Variants in FAM162B observed in about 807,000 individuals in gnomAD.
FAM162B encodes the protein protein FAM162B.
FAM162B carries 16 observed loss-of-function variants against 20.0 expected under a neutral mutation model. That is an observed-to-expected ratio of 0.80 (90% CI 0.54 to 1.21). The LOEUF (loss-of-function observed/expected upper bound fraction) is 1.21. FAM162B is among the 50% of genes most tolerant of loss of function. The probability of loss-of-function intolerance (pLI) is 0.00; values close to 1 mark genes in which losing one functional copy is unlikely to be tolerated. For synonymous variants in FAM162B, 83 were observed against 89.7 expected (o/e 0.93, Z 0.42); for missense variants, 260 against 227.5 (o/e 1.14, Z -0.92).
chr6:116,759,303 T>C (rs987446637), intron 3 of FAM162B, among the ~76,000 whole-genome samples: 24 of 150,354 alleles, frequency 1.6e-4, no homozygotes, highest in Admixed American at 2.0e-4. Flanking sequence ...TTCTTTCTTT[T>C]TTTTTTTTTT....
chr6:116,762,012 T>C lies in FAM162B; in HGVS notation c.355A>G (p.Ile119Val), dbSNP rs748216736. ...ACYIMIGLTI[I>V]ACFAVIVSAK... ...GACACTATCACAGCAAAGCAGGCGA[T>C]AATTGTGAGTCCAATCATTATGTAA... is the stretch of plus-strand genomic sequence containing the variant. Residue 119 changes from isoleucine (I) to valine (V), a missense_variant, in exon 3 of 4, where the codon ATC (isoleucine) becomes GTC (valine). Coordinates refer to ENST00000368557, the MANE Select transcript of FAM162B (RefSeq NM_001085480.3). 2 of 1,603,096 alleles carry C rather than the reference T, an allele frequency of 1.2e-6. No homozygotes were observed. Among genetic ancestry groups the C allele is most frequent in the African/African-American group, 1.3e-5 (1 of 74,834 alleles).
intron 3 of FAM162B, among the ~76,000 whole-genome samples, chr6:116,755,908 G>GA (rs982208468): frequency 6.6e-5 from 10 of 150,748 alleles, no homozygotes; most frequent in South Asian, 2.1e-4. Context: ...TTACTTCTCA[G>GA]AAAAAAAAAG....
intron 3 of FAM162B, among the ~76,000 whole-genome samples, chr6:116,759,884 C>T (rs1437393267): frequency 6.6e-6 from 1 of 152,072 alleles, no homozygotes; most frequent in Non-Finnish European, 1.5e-5. Context: ...CTTTCCTTCC[C>T]CCGGTCTTCT....
At chr6:116,762,641 A>AT (rs1771817112) in intron 2 of FAM162B, among the ~76,000 whole-genome samples, 1 of 152,086 alleles carries the variant, frequency 6.6e-6, no homozygotes, top group Non-Finnish European at 1.5e-5. Context: ...TTTTGCAATA[A>AT]TTTTTTGTTA....
Position 116,755,610 on chromosome 6 carries a change from C to T in FAM162B, c.391-2915G>A, listed in dbSNP as rs184896028. Among the ~76,000 whole-genome samples the T allele has an allele frequency of 2.6e-3, 396 of 152,266 alleles. 1 individual carries two copies. The highest frequency in any genetic ancestry group is 3.3e-3 in the Non-Finnish European group (224 of 68,014). On this transcript the variant is annotated intron_variant, in intron 3 of 3. Coordinates refer to ENST00000368557, the MANE Select transcript of FAM162B (RefSeq NM_001085480.3). ...CTAAAATACAGTTTTTCAATGAAGACAAAATAGCCTCATTTTGGAAGAAAA... is the reference window on the plus strand; with the variant it reads ...CTAAAATACAGTTTTTCAATGAAGATAAAATAGCCTCATTTTGGAAGAAAA...
At chr6:116,765,113 C>T in intron 2 of FAM162B, 34 bp downstream of exon 2, 2 of 1,603,684 alleles carry the variant, frequency 1.2e-6, no homozygotes, top group Non-Finnish European at 1.7e-6. Context: ...GGCCGGGGAC[C>T]GACTCTCCTT....
chr6:116,761,479 C>G (rs957994910), intron 3 of FAM162B, among the ~76,000 whole-genome samples: 3 of 151,810 alleles, frequency 2.0e-5, no homozygotes, highest in Non-Finnish European at 4.4e-5. Flanking sequence ...AGTTCTCCGT[C>G]TTCTGCAGAT....
rs758186486 is a variant in FAM162B at position 116,765,136 on chromosome 6, G to A, written c.281+11C>T. 2.5e-6 allele frequency: 4 copies of A among 1,611,464 alleles called. No homozygotes were observed. In the East Asian group the frequency reaches 6.7e-5, roughly 27 times the overall value. On this transcript the variant is annotated intron_variant, in intron 2 of 3. Coordinates refer to ENST00000368557, the MANE Select transcript of FAM162B (RefSeq NM_001085480.3). ...ACCGACTCTCCTTCGCGCGGCGGTC[G>A]CCACACTTACGGGATCCGAGGCGGG...
intron 3 of FAM162B, among the ~76,000 whole-genome samples, chr6:116,756,505 G>A (rs1003829502): frequency 1.3e-5 from 2 of 152,182 alleles, no homozygotes; most frequent in African/African-American, 4.8e-5. Context: ...TTAGAACAAA[G>A]TATTTAGAAT....
intron 2 of FAM162B, 27 bp from the exon 3 acceptor site, chr6:116,762,112 A>C (rs1467555676): frequency 6.6e-7 from 1 of 1,504,910 alleles, no homozygotes; most frequent in Non-Finnish European, 9.1e-7. Flanking sequence ...ATTTTGTTAA[A>C]TATGTAAAAG....
At chr6:116,762,542 A>G (rs1030846158) in intron 2 of FAM162B, among the ~76,000 whole-genome samples, 3 of 151,648 alleles carry the variant, frequency 2.0e-5, no homozygotes, top group African/African-American at 4.8e-5. Context: ...TCGCCTCCCA[A>G]TCTCTTGTCC....
chr6:116,760,983 T>C (rs633420), intron 3 of FAM162B, among the ~76,000 whole-genome samples: 48,349 of 151,980 alleles, frequency 0.32, 8,338 homozygotes, highest in Middle Eastern at 0.57. Context: ...GTATGCACTA[T>C]TGAAACCCAG....
chr6:116,765,600 A>C lies in FAM162B; in HGVS notation c.-24T>G. On this transcript the variant is annotated 5_prime_UTR_variant, in exon 1 of 4. Coordinates refer to ENST00000368557, the MANE Select transcript of FAM162B (RefSeq NM_001085480.3). Reference sequence around the variant, plus strand: ...ATGCTGCCCGCTTGTCCCGCGCCGCACCCGCACCTCCGGACCCAGCCACAG... The same window carrying C: ...ATGCTGCCCGCTTGTCCCGCGCCGCCCCCGCACCTCCGGACCCAGCCACAG... 1.5e-6 allele frequency: 2 copies of C among 1,301,398 alleles called. No homozygotes were observed. Among genetic ancestry groups the C allele is most frequent in the South Asian group, 2.6e-5 (1 of 38,076 alleles). 80.6% of individuals were successfully genotyped at this position (1,301,398 alleles called of 1,614,324 possible).
chr6:116,755,549 GATCT>G (rs1423312299), intron 3 of FAM162B, among the ~76,000 whole-genome samples: 1 of 152,230 alleles, frequency 6.6e-6, no homozygotes, highest in Non-Finnish European at 1.5e-5. Context: ...TCATCTAGAA[GATCT>G]ATTATAGCTA....
chr6:116,764,877 C>T (rs1021403388), intron 2 of FAM162B, among the ~76,000 whole-genome samples: 1 of 152,178 alleles, frequency 6.6e-6, no homozygotes, highest in African/African-American at 2.4e-5. Context: ...TGCTGGGGAC[C>T]GGCAATCTGG....
intron 3 of FAM162B, among the ~76,000 whole-genome samples, chr6:116,760,542 C>T (rs1290202345): frequency 6.6e-6 from 1 of 152,064 alleles, no homozygotes; most frequent in African/African-American, 2.4e-5. Context: ...TCTAAGTAAA[C>T]AAATTGTCTA....
intron 3 of FAM162B, among the ~76,000 whole-genome samples, chr6:116,760,224 G>A (rs1292972713): frequency 1.3e-5 from 2 of 152,114 alleles, no homozygotes; most frequent in Non-Finnish European, 2.9e-5. Context: ...AGCAATAACT[G>A]GTGCTACACA....
chr6:116,753,387 T>C (rs1008930230), intron 3 of FAM162B, among the ~76,000 whole-genome samples: 36 of 152,174 alleles, frequency 2.4e-4, no homozygotes, highest in African/African-American at 8.2e-4. Context: ...TTAGAAGATA[T>C]TGCAATGAAC....
At chr6:116,761,604 T>C (rs928896893) in intron 3 of FAM162B, among the ~76,000 whole-genome samples, 8 of 147,640 alleles carry the variant, frequency 5.4e-5, no homozygotes, top group African/African-American at 2.0e-4. Flanking sequence ...ATCTCCAGTA[T>C]TTTTTATATA....
Sources: gnomAD v4.1 joint callset for allele counts (sites outside exome capture counted in the v4.1 genomes callset) on GRCh38, gnomAD v4.1.1 for gene constraint, MANE v1.5 for transcripts, NCBI Gene and HGNC (gene_info 2026-07-23, HGNC 2026-07-21) for gene names.